The following CPQ variants were observed in gnomAD, a reference collection of about 807,000 sequenced individuals.
The protein encoded by CPQ is carboxypeptidase Q, also known as Ser-Met dipeptidase.
A neutral mutation model predicts 45.7 loss-of-function variants in CPQ; 37 were observed. The ratio of observed to expected loss-of-function variants is 0.81; its 90% CI spans 0.62 to 1.07. CPQ has a LOEUF of 1.07. CPQ is among the 50% of genes least tolerant of loss of function. The pLI, the probability that CPQ is intolerant of heterozygous loss-of-function variation, is 0.00. For synonymous variants in CPQ, 186 were observed against 205.8 expected (o/e 0.90, Z 0.82); for missense variants, 537 against 572.9 (o/e 0.94, Z 0.64).
intron 2 of CPQ, among the ~76,000 whole-genome samples, chr8:96,825,539 A>T (rs1811368627): frequency 6.6e-6 from 1 of 152,058 alleles, no homozygotes; most frequent in Non-Finnish European, 1.5e-5. Context: ...CTGGCTTTTA[A>T]TTGTAACAGA....
chr8:96,931,361 C>T (rs144026985), intron 4 of CPQ, among the ~76,000 whole-genome samples: 2 of 152,158 alleles, frequency 1.3e-5, no homozygotes, highest in Non-Finnish European at 2.9e-5. Flanking sequence ...AAGTTTTGGT[C>T]CTATAGTTCA....
intron 7 of CPQ, among the ~76,000 whole-genome samples, chr8:97,106,639 G>A (rs1288826730): frequency 6.6e-6 from 1 of 152,222 alleles, no homozygotes; most frequent in Non-Finnish European, 1.5e-5. Flanking sequence ...TCCAAATGGA[G>A]ATGTCAGGTA....
intron 5 of CPQ, among the ~76,000 whole-genome samples, chr8:96,987,570 G>A (rs1809008967): frequency 6.6e-6 from 1 of 152,168 alleles, no homozygotes; most frequent in Admixed American, 6.5e-5. Context: ...AGAAGTCCGC[G>A]TTTGTCTGTT....
At chr8:96,871,755 A>G (rs1035407487) in intron 3 of CPQ, among the ~76,000 whole-genome samples, 23 of 151,748 alleles carry the variant, frequency 1.5e-4, no homozygotes, top group African/African-American at 4.4e-4. Context: ...TGAACTTAAC[A>G]TTATTTCATC....
At chr8:96,705,871 AT>A (rs990579964) in intron 1 of CPQ, among the ~76,000 whole-genome samples, 37 of 152,146 alleles carry the variant, frequency 2.4e-4, no homozygotes, top group African/African-American at 6.7e-4. Flanking sequence ...TATGAAATAC[AT>A]TTTTTTATCT....
chr8:96,778,185 C>A (rs1156825003), intron 1 of CPQ, among the ~76,000 whole-genome samples: 1 of 151,422 alleles, frequency 6.6e-6, no homozygotes, highest in Non-Finnish European at 1.5e-5. Flanking sequence ...TTAAAAATAC[C>A]TATTATATCT....
intron 2 of CPQ, among the ~76,000 whole-genome samples, chr8:96,785,941 A>G (rs931271014): frequency 1.3e-5 from 2 of 152,208 alleles, no homozygotes; most frequent in African/African-American, 4.8e-5. Flanking sequence ...CGGTGGCAGA[A>G]GAACGAGTTT....
intron 7 of CPQ, among the ~76,000 whole-genome samples, chr8:97,118,423 T>A (rs1357355337): frequency 6.6e-6 from 1 of 152,070 alleles, no homozygotes; most frequent in Non-Finnish European, 1.5e-5. Flanking sequence ...GAATTTCCCA[T>A]GGAACAGCTA....
intron 3 of CPQ, among the ~76,000 whole-genome samples, chr8:96,859,373 C>A (rs777332749): frequency 1.1e-4 from 17 of 152,236 alleles, no homozygotes; most frequent in African/African-American, 3.9e-4. Context: ...ACAGGGAGAC[C>A]AACTCTGTGT....
At chr8:96,975,986 T>C (rs10113361) in intron 5 of CPQ, among the ~76,000 whole-genome samples, 148,542 of 152,206 alleles carry the variant, frequency 0.98, 72,728 homozygotes, top group Middle Eastern at 1. Context: ...AAGTCCTAGC[T>C]AGAGTCATCA....
chr8:97,102,511 C>G (rs1485023668), intron 7 of CPQ, among the ~76,000 whole-genome samples: 2 of 152,194 alleles, frequency 1.3e-5, no homozygotes, highest in African/African-American at 4.8e-5. Flanking sequence ...CACTTACCTT[C>G]TTTTACTCGC....
intron 7 of CPQ, among the ~76,000 whole-genome samples, chr8:97,093,332 C>T (rs1811155594): frequency 6.6e-6 from 1 of 152,102 alleles, no homozygotes; most frequent in East Asian, 1.9e-4. Flanking sequence ...CTCAGAGGAA[C>T]ATAAATTGTT....
chr8:97,109,248 CCCACATTGGCAATGATCT>C (rs971122484), intron 7 of CPQ, among the ~76,000 whole-genome samples: 10 of 152,280 alleles, frequency 6.6e-5, no homozygotes, highest in African/African-American at 2.2e-4. Context: ...CTGCTAGTTT[CCCACATTGGCAATGATCT>C]CCACTGTTGG....
At chr8:97,077,765 T>A (rs1315206214) in intron 7 of CPQ, among the ~76,000 whole-genome samples, 1 of 152,060 alleles carries the variant, frequency 6.6e-6, no homozygotes, top group African/African-American at 2.4e-5. Flanking sequence ...TGGAAAAAAA[T>A]ATTTGAAAAA....
chr8:96,717,248 T>C (rs1252673374), intron 1 of CPQ, among the ~76,000 whole-genome samples: 23 of 151,566 alleles, frequency 1.5e-4, no homozygotes, highest in Admixed American at 1.5e-3. Flanking sequence ...TAGCCAGTAA[T>C]GGGATTGCTA....
At chr8:97,002,962 A>G (rs1809311261) in intron 5 of CPQ, among the ~76,000 whole-genome samples, 1 of 152,198 alleles carries the variant, frequency 6.6e-6, no homozygotes, top group South Asian at 2.1e-4. Flanking sequence ...GTGCATATAT[A>G]TTTAGGACAG....
chr8:96,853,703 G>A (rs1170982081), intron 3 of CPQ, among the ~76,000 whole-genome samples: 1 of 152,032 alleles, frequency 6.6e-6, no homozygotes, highest in Non-Finnish European at 1.5e-5. Flanking sequence ...TCGTGGAAAA[G>A]GCTTATTGTG....
intron 1 of CPQ, among the ~76,000 whole-genome samples, chr8:96,746,403 G>C (rs1460182641): frequency 6.6e-6 from 1 of 152,152 alleles, no homozygotes; most frequent in Non-Finnish European, 1.5e-5. Flanking sequence ...GGAATTCATT[G>C]TCCTTTGTGC....
chr8:96,660,360 G>A (rs577169109), intron 1 of CPQ, among the ~76,000 whole-genome samples: 47 of 152,184 alleles, frequency 3.1e-4, no homozygotes, highest in African/African-American at 1.1e-3. Context: ...TTCTTTTAGG[G>A]CCCACCCTGA....
Sources: gnomAD v4.1 joint callset for allele counts (sites outside exome capture counted in the v4.1 genomes callset) on GRCh38, gnomAD v4.1.1 for gene constraint, MANE v1.5 for transcripts, NCBI Gene and HGNC (gene_info 2026-07-23, HGNC 2026-07-21) for gene names.